Variants in ZNF160 observed in about 807,000 individuals in gnomAD.
ZNF160 encodes the protein zinc finger protein 160.
Under a neutral mutation model 13.1 loss-of-function variants are expected in ZNF160, and 9 were observed. The observed-to-expected ratio is 0.69, with a 90% CI of 0.41 to 1.20. ZNF160 has a LOEUF of 1.20. ZNF160 is among the 50% of genes most tolerant of loss of function. ZNF160 has a pLI of 0.01. For synonymous variants in ZNF160, 293 were observed against 333.2 expected (o/e 0.88, Z 1.31); for missense variants, 838 against 988.0 (o/e 0.85, Z 2.04).
intron 5 of ZNF160, among the ~76,000 whole-genome samples, chr19:53,071,684 C>T (rs4803044): frequency 0.18 from 27,326 of 151,514 alleles, 2,648 homozygotes; most frequent in Admixed American, 0.22. Flanking sequence ...AAAAAAAAAT[C>T]GGGCAGCCTA....
chr19:53,089,954 CTT>C (rs893399872), intron 2 of ZNF160, among the ~76,000 whole-genome samples: 2 of 152,056 alleles, frequency 1.3e-5, no homozygotes, highest in Admixed American at 1.3e-4. Flanking sequence ...TCTTCCACCT[CTT>C]ATTCCTTTCT....
rs1287052554 is a variant in ZNF160, at chr19:53,068,481, C to A, written c.2053G>T (p.Val685Phe). 1.5e-5 allele frequency: 24 copies of A among 1,613,690 alleles called. No individual in the cohort carries two copies. The highest frequency in any genetic ancestry group is 2.2e-5 in the East Asian group (1 of 44,858). Reference sequence around the variant, plus strand: ...GCAAGGTGTGAGTTCTGAGTGAAGACCTTGCCACATTGATTACATTTGTAA... The same window carrying A: ...GCAAGGTGTGAGTTCTGAGTGAAGAACTTGCCACATTGATTACATTTGTAA... ...KPYKCNQCGK[V>F]FTQNSHLANH... Residue 685 changes from valine (V) to phenylalanine (F), a missense_variant, in exon 6 of 6, where the codon GTC (valine) becomes TTC (phenylalanine). By Grantham distance (50) the Val-to-Phe change is conservative. Transcript: ENST00000683776.
chr19:53,086,430 G>C, intron 2 of ZNF160, 109 bp from the exon 3 acceptor site: 1 of 845,906 alleles, frequency 1.2e-6, no homozygotes, highest in East Asian at 2.8e-5. Flanking sequence ...CACACGCACA[G>C]ATCTCACCCT....
intron 2 of ZNF160, among the ~76,000 whole-genome samples, chr19:53,087,428 T>C (rs2084879995): frequency 6.6e-6 from 1 of 152,216 alleles, no homozygotes; most frequent in Admixed American, 6.5e-5. Context: ...ATCTTGCATA[T>C]TTTAAACATG....
chr19:53,088,387 A>G (rs765786794), intron 2 of ZNF160, among the ~76,000 whole-genome samples: 10 of 152,142 alleles, frequency 6.6e-5, no homozygotes, highest in Non-Finnish European at 1.2e-4. Flanking sequence ...ATAATTGAAG[A>G]CAAAGTGGCC....
At chr19:53,073,346 A>G in intron 5 of ZNF160, 1 of 1,598,092 alleles carries the variant, frequency 6.3e-7, no homozygotes. Flanking sequence ...CTTAGAAGAT[A>G]GAACCCACTC....
At position 53,074,243 on chromosome 19, in the gene ZNF160, A is replaced by G; in HGVS notation, c.168T>C (p.Ile56=). 1 of 1,614,122 alleles carries G rather than the reference A, an allele frequency of 6.2e-7. No homozygotes were observed. Among genetic ancestry groups the G allele is most frequent in the Non-Finnish European group, 8.5e-7 (1 of 1,179,990 alleles). The change falls in exon 5 of 6, where the codon ATT becomes ATC. Residue 56 remains isoleucine, a synonymous_variant. Transcript: ENST00000683776. ...SLGLCHFDMN[I]ISMLEEGKEP... is the part of the protein sequence containing the mutation. ...CTTTCCCTTCCTCCAACATGGAGAT[A>G]ATATTCATATCAAAATGACACAGTC... is the stretch of plus-strand genomic sequence containing the variant.
rs150368945 is a variant in ZNF160, at chr19:53,090,314, T to C, written c.-46+1099A>G. ...TCTCTGGAGACCCAGCTTTTCTCTA[T>C]ATTTCTCCAGTTGCTCCCTGCCCCA... On this transcript the variant is annotated intron_variant, in intron 2 of 5. Transcript: ENST00000683776. Among the ~76,000 whole-genome samples the C allele has an allele frequency of 2.8e-4, 42 of 152,260 alleles. No homozygotes were observed. In the East Asian group the frequency reaches 7.4e-3, roughly 27 times the overall value.
chr19:53,099,062 G>GTC (rs1262284072), intron 1 of ZNF160, among the ~76,000 whole-genome samples: 2 of 26,938 alleles, frequency 7.4e-5, no homozygotes, highest in Non-Finnish European at 2.0e-4. Flanking sequence ...CACAACCCCA[G>GTC]AGCAGGTGCT....
chr19:53,086,236 A>G, intron 3 of ZNF160, 26 bp downstream of exon 3: 1 of 1,573,032 alleles, frequency 6.4e-7, no homozygotes, highest in Non-Finnish European at 8.6e-7. Flanking sequence ...AAATAAAAGA[A>G]CAATCCACCA....
chr19:53,081,973 G>A (rs1393104207), intron 3 of ZNF160, among the ~76,000 whole-genome samples: 1 of 152,132 alleles, frequency 6.6e-6, no homozygotes, highest in East Asian at 1.9e-4. Flanking sequence ...GCAACAACAT[G>A]GATGCAGCTG....
At chr19:53,088,386 G>A (rs971282355) in intron 2 of ZNF160, among the ~76,000 whole-genome samples, 1 of 152,110 alleles carries the variant, frequency 6.6e-6, no homozygotes, top group Non-Finnish European at 1.5e-5. Flanking sequence ...AATAATTGAA[G>A]ACAAAGTGGC....
chr19:53,079,288 C>T (rs1451124757), intron 3 of ZNF160, among the ~76,000 whole-genome samples: 2 of 152,074 alleles, frequency 1.3e-5, no homozygotes, highest in Non-Finnish European at 2.9e-5. Context: ...CGGTGGCTCA[C>T]GCCTGTAATC....
chr19:53,072,252 C>T (rs1266722920), intron 5 of ZNF160, among the ~76,000 whole-genome samples: 1 of 152,160 alleles, frequency 6.6e-6, no homozygotes, highest in Non-Finnish European at 1.5e-5. Context: ...CAGGCATGTG[C>T]CATCATGCCT....
intron 1 of ZNF160, among the ~76,000 whole-genome samples, chr19:53,093,788 A>G (rs2085121159): frequency 6.6e-6 from 1 of 152,196 alleles, no homozygotes. Context: ...AAAACAAAAA[A>G]CAGAAGAAAA....
chr19:53,069,284 G>T lies in ZNF160; in HGVS notation c.1250C>A (p.Thr417Lys). 1 of 1,613,844 alleles carries T rather than the reference G, an allele frequency of 6.2e-7. No homozygotes were observed. Among genetic ancestry groups the T allele is most frequent in the East Asian group, 2.2e-5 (1 of 44,840 alleles). ...SVRSSLAIHQTIHTGEKPYKC... is the reference protein window; with the variant it reads ...SVRSSLAIHQKIHTGEKPYKC... ...GTAAGGTTTTTCTCCAGTGTGGATT[G>T]TCTGATGGATTGCTAGGCTTGAACG... The change falls in exon 6 of 6, where the codon ACA becomes AAA. Residue 417 changes from threonine to lysine, a missense_variant. Around this residue, in one of 3 missense-constraint regions of ZNF160, gnomAD observed 400 missense variants for 538.9 expected, o/e 0.74. Coordinates refer to ENST00000683776, the MANE Select transcript of ZNF160 (RefSeq NM_001322131.2). This position sits in a 1 kb window ranked among gnomAD's most constrained non-coding sequence, Gnocchi z 4.4.
At chr19:53,092,888 C>G (rs1281424416) in intron 1 of ZNF160, among the ~76,000 whole-genome samples, 1 of 152,128 alleles carries the variant, frequency 6.6e-6, no homozygotes, top group Non-Finnish European at 1.5e-5. Flanking sequence ...GATTTGGGGA[C>G]TTTTGCAAGG....
In ZNF160 at chr19:53,068,558, C is replaced by T; in HGVS notation, c.1976G>A (p.Ser659Asn). 6.2e-7 allele frequency: 1 copy of T among 1,614,156 alleles called. No homozygotes were observed. The highest frequency in any genetic ancestry group is 8.5e-7 in the Non-Finnish European group (1 of 1,180,038). The change falls in exon 6 of 6, where the codon AGT (serine) becomes AAT (asparagine). Residue 659 changes from serine (S) to asparagine (N), a missense_variant. Coordinates refer to ENST00000683776, the MANE Select transcript of ZNF160 (RefSeq NM_001322131.2). ...YKCNECGKAF[S>N]MHSNLTTHKV... The stretch of plus-strand genomic sequence containing the variant: ...ATGGGTAGTTAGGTTTGAATGCATA[C>T]TAAAGGCTTTCCCACACTCATTACA...
intron 3 of ZNF160, chr19:53,075,702 G>A: frequency 3.9e-6 from 2 of 518,240 alleles, no homozygotes; most frequent in Non-Finnish European, 7.7e-6. Context: ...CCATCTAGAT[G>A]TTCATCTGTG....
Sources: gnomAD v4.1 joint callset for allele counts (sites outside exome capture counted in the v4.1 genomes callset) on GRCh38, gnomAD v4.1.1 for gene constraint, gnomAD v4.1.1 regional missense constraint, Gnocchi (gnomAD v3.1) non-coding constraint, MANE v1.5 for transcripts, NCBI Gene and HGNC (gene_info 2026-07-23, HGNC 2026-07-21) for gene names.